Variants in MAGI1 observed in about 807,000 individuals in gnomAD.
The protein encoded by MAGI1 is membrane-associated guanylate kinase, WW and PDZ domain-containing protein 1.
A neutral mutation model predicts 139.9 loss-of-function variants in MAGI1; 58 were observed. That is an observed-to-expected ratio of 0.41 (90% CI 0.34 to 0.52). The LOEUF is 0.52. Ranked by LOEUF, MAGI1 falls within the 20% of genes least tolerant of loss-of-function variation. MAGI1 has a pLI of 0.12. For synonymous variants in MAGI1, 812 were observed against 737.9 expected, an observed-to-expected ratio of 1.10 and a Z score of -1.63; for missense variants, 1,874 against 1,901.6, an observed-to-expected ratio of 0.99 and a Z score of 0.27.
At chr3:65,889,916 T>C (rs1198292086) in intron 1 of MAGI1, among the ~76,000 whole-genome samples, 11 of 152,178 alleles carry the variant, frequency 7.2e-5, no homozygotes, top group African/African-American at 2.7e-4. Context: ...GCCACATGTA[T>C]GAAGATGGTC....
At chr3:65,922,752 T>TGTA (rs2062272692) in intron 1 of MAGI1, among the ~76,000 whole-genome samples, 1 of 152,092 alleles carries the variant, frequency 6.6e-6, no homozygotes, top group African/African-American at 2.4e-5. Flanking sequence ...CAGCACTTCA[T>TGTA]CCCCAAAGAA....
At chr3:65,730,520 G>A (rs879811213) in intron 1 of MAGI1, among the ~76,000 whole-genome samples, 9 of 152,176 alleles carry the variant, frequency 5.9e-5, no homozygotes, top group Admixed American at 2.0e-4. Context: ...GAGCTGGGTC[G>A]CATATACAAC....
intron 2 of MAGI1, among the ~76,000 whole-genome samples, chr3:65,498,268 C>T (rs945690397): frequency 2.1e-5 from 3 of 141,728 alleles, no homozygotes; most frequent in African/African-American, 5.1e-5. Context: ...TCAGGGACAG[C>T]GTACTAATAT....
At chr3:65,980,495 G>T (rs2065512628) in intron 1 of MAGI1, among the ~76,000 whole-genome samples, 1 of 149,620 alleles carries the variant, frequency 6.7e-6, no homozygotes, top group Admixed American at 6.8e-5. Flanking sequence ...CCCAGGAGGT[G>T]AAGGTTGCAG....
chr3:66,038,442 C>A lies in MAGI1; in HGVS notation c.-134G>T. On this transcript the variant is annotated 5_prime_UTR_variant, in exon 1 of 23. Transcript: ENST00000402939. ...CACAAAACAGGAGAGAGAAACTTGGCAGCCTCGCTCCCCTGCACACGCTCG... is the reference window on the plus strand; with the variant it reads ...CACAAAACAGGAGAGAGAAACTTGGAAGCCTCGCTCCCCTGCACACGCTCG... The A allele has an allele frequency of 8.0e-7, 1 of 1,251,834 alleles. No individual in the cohort carries two copies. The highest frequency in any genetic ancestry group is 1.1e-6 in the Non-Finnish European group (1 of 939,384). 77.5% of individuals were successfully genotyped at this position (1,251,834 alleles called of 1,614,324 possible).
In MAGI1 at chr3:65,651,748, T is replaced by C. The variant is rs1303682082; in HGVS notation, c.314-29660A>G. On this transcript the variant is annotated intron_variant, in intron 1 of 22. Coordinates refer to ENST00000402939, the MANE Select transcript of MAGI1 (RefSeq NM_001033057.2). Reference sequence around the variant, plus strand: ...CAGAGGATCCAAGAGAGAATCCTTTTTTGCATATTTGAAAGCAACAATGTG... The same window carrying C: ...CAGAGGATCCAAGAGAGAATCCTTTCTTGCATATTTGAAAGCAACAATGTG... Among the ~76,000 whole-genome samples, 3 of 152,076 alleles carry C rather than the reference T, an allele frequency of 2.0e-5. No individual in the cohort carries two copies. In the East Asian group the frequency reaches 5.8e-4, roughly 29 times the overall value.
chr3:65,510,302 G>C (rs1209391374), intron 2 of MAGI1, among the ~76,000 whole-genome samples: 1 of 152,220 alleles, frequency 6.6e-6, no homozygotes, highest in African/African-American at 2.4e-5. Context: ...AAGCTGGATG[G>C]AGAATGACTT....
chr3:65,664,729 G>A (rs1339782681), intron 1 of MAGI1, among the ~76,000 whole-genome samples: 2 of 152,184 alleles, frequency 1.3e-5, no homozygotes, highest in Non-Finnish European at 2.9e-5. Context: ...TGCCCAATGA[G>A]TATGTTTCCA....
chr3:65,357,137 C>G lies in MAGI1; in HGVS notation c.3635-5G>C. The G allele has an allele frequency of 6.2e-7, 1 of 1,600,878 alleles. No homozygotes were observed. The highest frequency in any genetic ancestry group is 8.5e-7 in the Non-Finnish European group (1 of 1,172,846). On this transcript the variant is annotated splice_region_variant and splice_polypyrimidine_tract_variant and intron_variant, in intron 22 of 22. Transcript: ENST00000402939. Reference sequence around the variant, plus strand: ...CGTGGCGGTCGCTGCTGGGGTCTGCCAGGAAAATAAACGAGAGCAACAGTT... The same window carrying G: ...CGTGGCGGTCGCTGCTGGGGTCTGCGAGGAAAATAAACGAGAGCAACAGTT...
intron 2 of MAGI1, among the ~76,000 whole-genome samples, chr3:65,496,389 G>A (rs148411831): frequency 3.9e-5 from 6 of 152,176 alleles, no homozygotes; most frequent in East Asian, 1.9e-4. Context: ...ACAAGTTTTC[G>A]GAGAGTAGGG....
At chr3:66,009,420 G>A (rs1374345939) in intron 1 of MAGI1, among the ~76,000 whole-genome samples, 1 of 152,118 alleles carries the variant, frequency 6.6e-6, no homozygotes, top group African/African-American at 2.4e-5. Context: ...TGAGGCAGGA[G>A]AATCACTTGA....
At chr3:65,468,367 CTTTTTTTTTTT>C (rs71102860) in intron 5 of MAGI1, among the ~76,000 whole-genome samples, 10 of 61,376 alleles carry the variant, frequency 1.6e-4, no homozygotes, top group Middle Eastern at 0.018. Flanking sequence ...AGAGGGTATT[CTTTTTTTTTTT>C]TTTTTTTTTT....
At chr3:65,802,848 C>CTGTGTGTGTGTGTGTGTG (rs55814110) in intron 1 of MAGI1, among the ~76,000 whole-genome samples, 83 of 138,224 alleles carry the variant, frequency 6.0e-4, no homozygotes, top group South Asian at 1.8e-3. Context: ...ATCATCTCAT[C>CTGTGTGTGTGTGTGTGTG]TGTGTGTGTG....
At chr3:65,818,097 G>C (rs1495455) in intron 1 of MAGI1, among the ~76,000 whole-genome samples, 95,287 of 151,688 alleles carry the variant, frequency 0.63, 30,371 homozygotes, top group East Asian at 0.93. Flanking sequence ...CTTTGTTAAA[G>C]AGAATTATTT....
intron 7 of MAGI1, among the ~76,000 whole-genome samples, chr3:65,444,416 T>C (rs893462520): frequency 4.6e-5 from 7 of 151,928 alleles, no homozygotes; most frequent in African/African-American, 1.4e-4. Flanking sequence ...CATACATTTG[T>C]ATAGGGCAGA....
chr3:65,903,478 AATTTCTG>A (rs1294841320), intron 1 of MAGI1, among the ~76,000 whole-genome samples: 12 of 152,096 alleles, frequency 7.9e-5, no homozygotes, highest in Admixed American at 6.6e-5. Context: ...ATAAGAATGA[AATTTCTG>A]ACACACAAAG....
Position 65,383,626 on chromosome 3 carries a change from G to A in MAGI1, c.2417-3C>T, listed in dbSNP as rs779117785. On this transcript the variant is annotated splice_region_variant and splice_polypyrimidine_tract_variant and intron_variant, in intron 14 of 22. Transcript: ENST00000402939. ...GTCCTGTTCCTGGTAATCTGGAACTGCAGAGAGGGGAGAAAAAAGAGAAGG... is the reference window on the plus strand; with the variant it reads ...GTCCTGTTCCTGGTAATCTGGAACTACAGAGAGGGGAGAAAAAAGAGAAGG... 1 of 1,573,956 alleles carries A rather than the reference G, an allele frequency of 6.4e-7. No individual in the cohort carries two copies. Among genetic ancestry groups the A allele is most frequent in the African/African-American group, 1.3e-5 (1 of 74,242 alleles).
At position 65,967,035 on chromosome 3, in the gene MAGI1, A is replaced by G. The variant is rs192952301; in HGVS notation, c.313+70961T>C. On this transcript the variant is annotated intron_variant, in intron 1 of 22. Transcript: ENST00000402939. ...ATACAGATGACAATACTGAGGCACA[A>G]AGAGGCTCAGCAACTTGCCCAGAGT... 5.3e-5 allele frequency among the ~76,000 whole-genome samples: 8 copies of G among 152,012 alleles called. No homozygotes were observed. In the East Asian group the frequency reaches 1.5e-3, roughly 29 times the overall value.
rs12494475 is a variant in MAGI1 at position 65,812,480 on chromosome 3, A to G, written c.314-190392T>C. On this transcript the variant is annotated intron_variant, in intron 1 of 22. Transcript: ENST00000402939. ...CTCTCTCTCTCTCTCACACACACACACACACACACACTTCTCTATCATTTT... is the reference window on the plus strand; with the variant it reads ...CTCTCTCTCTCTCTCACACACACACGCACACACACACTTCTCTATCATTTT... 3.5e-3 allele frequency among the ~76,000 whole-genome samples: 509 copies of G among 146,212 alleles called. 9 individuals carry two copies. Among genetic ancestry groups the G allele is most frequent in the Admixed American group, 0.032 (470 of 14,592 alleles).
Sources: allele counts gnomAD v4.1 joint callset (sites outside exome capture counted in the v4.1 genomes callset), GRCh38; gene constraint gnomAD v4.1.1; transcripts MANE v1.5; gene names NCBI Gene and HGNC (gene_info 2026-07-23, HGNC 2026-07-21).